Variants in CXCL10 observed in about 807,000 individuals in gnomAD.
CXCL10 encodes the protein C-X-C motif chemokine ligand 10.
A neutral mutation model predicts 10.8 loss-of-function variants in CXCL10; 6 were observed. That is an observed-to-expected ratio of 0.55 (90% CI 0.30 to 1.09). The LOEUF is 1.09. Among genes scored for constraint, CXCL10 ranks in the 50% least tolerant of loss-of-function variants. CXCL10 has a pLI of 0.06. For missense variants in CXCL10, 114 were observed against 114.3 expected (o/e 1.00, Z 0.01); for synonymous variants, 35 against 35.8 (o/e 0.98, Z 0.08).
chr4:76,023,403 C>T lies in CXCL10; in HGVS notation c.29G>A (p.Cys10Tyr), dbSNP rs1733070876. 1 of 1,613,990 alleles carries T rather than the reference C, an allele frequency of 6.2e-7. No homozygotes were observed. Among genetic ancestry groups the T allele is most frequent in the Non-Finnish European group, 8.5e-7 (1 of 1,179,864 alleles). Reference sequence around the variant, plus strand: ...GCCACTTAGAGTCAGAAAGATAAGGCAGCAAATCAGAATGGCAGTTTGATT... The same window carrying T: ...GCCACTTAGAGTCAGAAAGATAAGGTAGCAAATCAGAATGGCAGTTTGATT... MNQTAILICCLIFLTLSGIQ... is the reference protein window; with the variant it reads MNQTAILICYLIFLTLSGIQ... The change falls in exon 1 of 4, where the codon TGC (cysteine) becomes TAC (tyrosine). Residue 10 changes from cysteine to tyrosine, a missense_variant. Physicochemically the swap from Cys to Tyr is radical, Grantham distance 194. Transcript: ENST00000306602.
At chr4:76,022,117 G>A (rs1362628479) in intron 3 of CXCL10, among the ~76,000 whole-genome samples, 169 bp from the exon 4 acceptor site, 1 of 152,186 alleles carries the variant, frequency 6.6e-6, no homozygotes, top group Non-Finnish European at 1.5e-5. Flanking sequence ...AAGACTTGGG[G>A]AAAATGTTGT....
At position 76,021,424 on chromosome 4, in the gene CXCL10, A is replaced by G. The variant is rs953933800; in HGVS notation, c.*506T>C. 2 of 153,908 alleles carry G rather than the reference A, an allele frequency of 1.3e-5. No homozygotes were observed. Among genetic ancestry groups the G allele is most frequent in the Admixed American group, 1.3e-4 (2 of 15,468 alleles). 9.5% of individuals were successfully genotyped at this position (153,908 alleles called of 1,614,324 possible). ...TACACATACATTTTCAGATATTTCT[A>G]CCTTCCTGTATGTGTTTGGAATTGT... On this transcript the variant is annotated 3_prime_UTR_variant, in exon 4 of 4. Coordinates refer to ENST00000306602, the MANE Select transcript of CXCL10 (RefSeq NM_001565.4).
intron 3 of CXCL10, 44 bp downstream of exon 3, chr4:76,022,322 C>T (rs771270907): frequency 8.0e-6 from 12 of 1,494,368 alleles, no homozygotes; most frequent in Non-Finnish European, 9.3e-6. Flanking sequence ...CCAAGATTGC[C>T]GTTTCCTAAA....
At chr4:76,022,884 G>C in intron 1 of CXCL10, 67 bp from the exon 2 acceptor site, 2 of 1,533,894 alleles carry the variant, frequency 1.3e-6, no homozygotes, top group Non-Finnish European at 1.8e-6. Flanking sequence ...AATGTAGACT[G>C]GTGGTATTTA....
At chr4:76,021,992 C>T in intron 3 of CXCL10, 44 bp from the exon 4 acceptor site, 1 of 1,548,538 alleles carries the variant, frequency 6.5e-7, no homozygotes, top group Non-Finnish European at 8.9e-7. Context: ...TAGTCTGACT[C>T]TGGCTTCAGA....
Position 76,021,676 on chromosome 4 carries a change from T to A in CXCL10, c.*254A>T, listed in dbSNP as rs1391509399. 4.2e-6 allele frequency: 2 copies of A among 472,976 alleles called. No homozygotes were observed. The highest frequency in any genetic ancestry group is 7.5e-6 in the Non-Finnish European group (2 of 265,360). 29.3% of individuals were successfully genotyped at this position (472,976 alleles called of 1,614,324 possible). ...AGGGTCAGAACATCCACTAAGAACATAGCACCTCAGTAGAGCTTACATTAT... is the reference window on the plus strand; with the variant it reads ...AGGGTCAGAACATCCACTAAGAACAAAGCACCTCAGTAGAGCTTACATTAT... On this transcript the variant is annotated 3_prime_UTR_variant, in exon 4 of 4. Transcript: ENST00000306602.
At chr4:76,022,912 A>G (rs1733001874) in intron 1 of CXCL10, 95 bp from the exon 2 acceptor site, 7 of 1,230,876 alleles carry the variant, frequency 5.7e-6, no homozygotes, top group African/African-American at 3.0e-5. Context: ...CTATATCCCC[A>G]TATCAGCAAA....
chr4:76,021,697 A>G lies in CXCL10; in HGVS notation c.*233T>C. ...AACATAGCACCTCAGTAGAGCTTACATTATAGTGCCAGGGTAGAGTTATTA... is the reference window on the plus strand; with the variant it reads ...AACATAGCACCTCAGTAGAGCTTACGTTATAGTGCCAGGGTAGAGTTATTA... On this transcript the variant is annotated 3_prime_UTR_variant, in exon 4 of 4. Transcript: ENST00000306602. 1 of 547,242 alleles carries G rather than the reference A, an allele frequency of 1.8e-6. No homozygotes were observed. Among genetic ancestry groups the G allele is most frequent in the South Asian group, 2.6e-5 (1 of 38,194 alleles). 33.9% of individuals were successfully genotyped at this position (547,242 alleles called of 1,614,324 possible).
At position 76,023,353 on chromosome 4, in the gene CXCL10, T is replaced by C. The variant is rs1457494294; in HGVS notation, c.61+18A>G. The C allele has an allele frequency of 1.3e-6, 2 of 1,583,172 alleles. No homozygotes were observed. Among genetic ancestry groups the C allele is most frequent in the Non-Finnish European group, 1.7e-6 (2 of 1,151,980 alleles). ...TATTTCTCATTTTACAAATTAAGTA[T>C]CCTTTGATGTTCCTTACCTTGAATG... On this transcript the variant is annotated intron_variant, in intron 1 of 3. Transcript: ENST00000306602.
At position 76,021,354 on chromosome 4, in the gene CXCL10, T is replaced by G. The variant is rs1288511281; in HGVS notation, c.*576A>C. ...GAAAACAATATAGGAAATATATACA[T>G]CTAAGACTTCTACTTTGTACAGTCT... On this transcript the variant is annotated 3_prime_UTR_variant, in exon 4 of 4. Transcript: ENST00000306602. The G allele has an allele frequency of 1.3e-5, 2 of 152,718 alleles. No homozygotes were observed. The highest frequency in any genetic ancestry group is 2.9e-5 in the Non-Finnish European group (2 of 68,424). The allele number at this position is 152,718 out of a possible 1,614,324, so 9.5% of individuals were successfully genotyped here. A position where few individuals can be genotyped will look rare whatever the true frequency, so the allele number is the denominator to read the frequency against.
Position 76,021,774 on chromosome 4 carries a change from C to T in CXCL10, c.*156G>A. 3 of 730,042 alleles carry T rather than the reference C, an allele frequency of 4.1e-6. No homozygotes were observed. The South Asian group carries it at 4.9e-5, about 12-fold the overall frequency. The allele number at this position is 730,042 out of a possible 1,614,324, so 45.2% of individuals were successfully genotyped here. ...AACCTTCCTACAGGAGTAGTAGCAG[C>T]TGATTTGGTGACCATCATTGGTCAC... On this transcript the variant is annotated 3_prime_UTR_variant, in exon 4 of 4. Coordinates refer to ENST00000306602, the MANE Select transcript of CXCL10 (RefSeq NM_001565.4).
rs115567387 is a variant in CXCL10 at position 76,021,990 on chromosome 4, C to T, written c.279-42G>A. 5.7e-5 allele frequency: 89 copies of T among 1,552,842 alleles called. No homozygotes were observed. In the African/African-American group the frequency reaches 1.0e-3, roughly 18 times the overall value. ...GGGATATAAAAGTGTGATAGTCTGA[C>T]TCTGGCTTCAGATTGGGTTGTGTTT... On this transcript the variant is annotated intron_variant, in intron 3 of 3. Transcript: ENST00000306602.
rs530875106 is a variant in CXCL10 at position 76,021,155 on chromosome 4, A to G, written c.*775T>C. ...ACTTTATTAACCTTTTGATCTTTCA[A>G]CATTTAGATAGTCTTTCTTAATATT... On this transcript the variant is annotated 3_prime_UTR_variant, in exon 4 of 4. Coordinates refer to ENST00000306602, the MANE Select transcript of CXCL10 (RefSeq NM_001565.4). 6.6e-6 allele frequency: 1 copy of G among 152,414 alleles called. No homozygotes were observed. The highest frequency in any genetic ancestry group is 2.4e-5 in the African/African-American group (1 of 41,582). 9.4% of individuals were successfully genotyped at this position (152,414 alleles called of 1,614,324 possible). A position where few individuals can be genotyped will look rare whatever the true frequency, so the allele number is the denominator to read the frequency against.
chr4:76,021,505 C>A lies in CXCL10; in HGVS notation c.*425G>T. ...CCTTGGGAGGATGGCAGTGGAAGTC[C>A]ATGAAGTAAAGAGCATTCTTTAAAA... is the stretch of plus-strand genomic sequence containing the variant. On this transcript the variant is annotated 3_prime_UTR_variant, in exon 4 of 4. Transcript: ENST00000306602. The A allele has an allele frequency of 6.2e-6, 1 of 161,482 alleles. No individual in the cohort carries two copies. Among genetic ancestry groups the A allele is most frequent in the Admixed American group, 6.3e-5 (1 of 15,784 alleles). 10.0% of individuals were successfully genotyped at this position (161,482 alleles called of 1,614,324 possible). A position where few individuals can be genotyped will look rare whatever the true frequency, so the allele number is the denominator to read the frequency against.
At chr4:76,022,040 G>T in intron 3 of CXCL10, 92 bp from the exon 4 acceptor site, 3 of 1,203,960 alleles carry the variant, frequency 2.5e-6, no homozygotes, top group Non-Finnish European at 3.7e-6. Context: ...TCATAGAATA[G>T]ATAACTGAGC....
chr4:76,021,608 AG>A lies in CXCL10; in HGVS notation c.*321del, dbSNP rs34836828. ...AAACCCCAAAGCAGAAAGATTCCTTAGTACCCTTGGAAGATGGGAAAGGTGA... is the reference window on the plus strand; with the variant it reads ...AAACCCCAAAGCAGAAAGATTCCTTATACCCTTGGAAGATGGGAAAGGTGA... On this transcript the variant is annotated 3_prime_UTR_variant, in exon 4 of 4. Coordinates refer to ENST00000306602, the MANE Select transcript of CXCL10 (RefSeq NM_001565.4). The A allele has an allele frequency of 0.59, 180,697 of 306,350 alleles. 55,938 individuals are homozygous for A. The highest frequency in any genetic ancestry group is 0.93 in the East Asian group (16,534 of 17,774). 19.0% of individuals were successfully genotyped at this position (306,350 alleles called of 1,614,324 possible). A position where few individuals can be genotyped will look rare whatever the true frequency, so the allele number is the denominator to read the frequency against.
rs767185896 is a variant in CXCL10 at position 76,022,503 on chromosome 4, A to G, written c.189-48T>C. Reference sequence around the variant, plus strand: ...AAATATTTAAAACTGTGTTGGGTCAATAAAACAGATGGCATACGCAGTTCT... The same window carrying G: ...AAATATTTAAAACTGTGTTGGGTCAGTAAAACAGATGGCATACGCAGTTCT... On this transcript the variant is annotated intron_variant, in intron 2 of 3. Transcript: ENST00000306602. 5 of 1,561,204 alleles carry G rather than the reference A, an allele frequency of 3.2e-6. No homozygotes were observed. The Admixed American group carries it at 6.7e-5, about 21-fold the overall frequency.
At chr4:76,022,865 T>C (rs770618330) in intron 1 of CXCL10, 48 bp from the exon 2 acceptor site, 6 of 1,576,708 alleles carry the variant, frequency 3.8e-6, no homozygotes, top group Admixed American at 1.8e-5. Context: ...GTGTTCATTT[T>C]AGGCATTTAA....
At position 76,022,727 on chromosome 4, in the gene CXCL10, A is replaced by C; in HGVS notation, c.152T>G (p.Ile51Ser). ...NPRSLEKLEI[I>S]PASQFCPRVE... ...ACGTGGACAAAATTGGCTTGCAGGAATAATTTCAAGTTTTTCTAAAGACCT... is the reference window on the plus strand; with the variant it reads ...ACGTGGACAAAATTGGCTTGCAGGACTAATTTCAAGTTTTTCTAAAGACCT... The change falls in exon 2 of 4, where the codon ATT becomes AGT. Residue 51 changes from isoleucine (I) to serine (S), a missense_variant. Transcript: ENST00000306602. 1 of 1,613,932 alleles carries C rather than the reference A, an allele frequency of 6.2e-7. No individual in the cohort carries two copies. Among genetic ancestry groups the C allele is most frequent in the Non-Finnish European group, 8.5e-7 (1 of 1,179,886 alleles).
Sources: allele counts gnomAD v4.1 joint callset (sites outside exome capture counted in the v4.1 genomes callset), GRCh38; gene constraint gnomAD v4.1.1; transcripts MANE v1.5; gene names NCBI Gene and HGNC (gene_info 2026-07-23, HGNC 2026-07-21).